Variants in MEGF6 observed in about 807,000 individuals in gnomAD.
MEGF6 encodes multiple epidermal growth factor-like domains protein 6.
In MEGF6, 184 loss-of-function variants were observed where a neutral mutation model predicts 207.1. That is an observed-to-expected ratio of 0.89 (90% confidence interval 0.79 to 1.00). The LOEUF (loss-of-function observed/expected upper bound fraction) is 1.00. Among genes scored for constraint, MEGF6 ranks in the 50% least tolerant of loss-of-function variants. The pLI, the probability that MEGF6 is intolerant of heterozygous loss-of-function variation, is 0.00. For synonymous variants in MEGF6, 1,038 were observed against 910.0 expected (o/e 1.14, Z -2.53); for missense variants, 2,282 against 2,202.9 (o/e 1.04, Z -0.72).
At chr1:3,614,006 C>T (rs1014911829), upstream of MEGF6, among the ~76,000 whole-genome samples, 7 of 152,196 alleles carry the variant, frequency 4.6e-5, no homozygotes, top group Non-Finnish European at 1.0e-4. Context: ...TATGTCCTTC[C>T]TGCTGGAAAT....
the MEGF6 span, among the ~76,000 whole-genome samples, chr1:3,621,589 A>G: frequency 0.045 from 6,803 of 152,308 alleles, 331 homozygotes; most frequent in East Asian, 0.22. Context: ...ATTACACCGG[A>G]ACAGCTCGTG....
intron 5 of MEGF6, among the ~76,000 whole-genome samples, chr1:3,520,783 G>A (rs1004234932): frequency 3.3e-5 from 5 of 152,204 alleles, no homozygotes; most frequent in Non-Finnish European, 7.3e-5. Context: ...TAGAAGGCAG[G>A]GAGGTGTGGA....
chr1:3,536,971 A>G (rs1642351186), intron 4 of MEGF6, among the ~76,000 whole-genome samples: 1 of 152,248 alleles, frequency 6.6e-6, no homozygotes, highest in Non-Finnish European at 1.5e-5. Context: ...CTTGCGGCTC[A>G]GGCGCCTGGA....
intron 1 of MEGF6, 44 bp downstream of exon 1, chr1:3,611,094 G>A (rs749695686): frequency 4.9e-6 from 7 of 1,437,950 alleles, no homozygotes; most frequent in Non-Finnish European, 6.3e-6. Flanking sequence ...AGGCCCCGGG[G>A]TCCCTGGACG....
chr1:3,605,816 G>A (rs931498798), intron 1 of MEGF6, among the ~76,000 whole-genome samples: 2 of 152,234 alleles, frequency 1.3e-5, no homozygotes, highest in African/African-American at 4.8e-5. Context: ...AAGAGATGTG[G>A]AAGAGGCACT....
At position 3,565,142 on chromosome 1, in the gene MEGF6, C is replaced by G. The variant is rs1403794863; in HGVS notation, c.481+14683G>C. Among the ~76,000 whole-genome samples the G allele has an allele frequency of 6.6e-6, 1 of 152,080 alleles. No homozygotes were observed. Among genetic ancestry groups the G allele is most frequent in the Admixed American group, 6.5e-5 (1 of 15,278 alleles). On this transcript the variant is annotated intron_variant, in intron 4 of 36. Transcript: ENST00000356575. The surrounding 1 kb of genome is among the most constrained non-coding windows in gnomAD (Gnocchi z 4.8). ...GGCGATGGACGCATGAATGAAGCCC[C>G]CTAGGTACCCCCTTCTTACCCTGGA...
At chr1:3,595,005 AC>A (rs1469932438) in intron 3 of MEGF6, among the ~76,000 whole-genome samples, 1 of 152,006 alleles carries the variant, frequency 6.6e-6, no homozygotes, top group African/African-American at 2.4e-5. Context: ...TAAACCCCGA[AC>A]TAGGCTCAGG....
chr1:3,576,496 G>A (rs1297881252), intron 4 of MEGF6, among the ~76,000 whole-genome samples: 5 of 152,134 alleles, frequency 3.3e-5, no homozygotes, highest in African/African-American at 9.7e-5. Context: ...ATAATTGGGG[G>A]GTTAGTGAAA....
rs1360655969 is a variant in MEGF6 at position 3,570,111 on chromosome 1, T to C, written c.481+9714A>G. Among the ~76,000 whole-genome samples, 5 of 152,326 alleles carry C rather than the reference T, an allele frequency of 3.3e-5. No homozygotes were observed. In the South Asian group the frequency reaches 1.0e-3, roughly 32 times the overall value. ...GCGGTCTCAGTCTCCCCAGCTGTCCTGTCGAGGAGGTGGCCCAGCCTGAGC... is the reference window on the plus strand; with the variant it reads ...GCGGTCTCAGTCTCCCCAGCTGTCCCGTCGAGGAGGTGGCCCAGCCTGAGC... On this transcript the variant is annotated intron_variant, in intron 4 of 36. Coordinates refer to ENST00000356575, the MANE Select transcript of MEGF6 (RefSeq NM_001409.4).
At chr1:3,514,902 G>A (rs1040771978) in intron 6 of MEGF6, among the ~76,000 whole-genome samples, 5 of 152,110 alleles carry the variant, frequency 3.3e-5, no homozygotes, top group South Asian at 4.1e-4. Context: ...GTCAGGCAGC[G>A]GCCCAGGCCA....
At chr1:3,503,982 G>A (rs1012189663) in intron 17 of MEGF6, among the ~76,000 whole-genome samples, 3 of 152,164 alleles carry the variant, frequency 2.0e-5, no homozygotes, top group Admixed American at 1.3e-4. Flanking sequence ...CCTAAGAGCT[G>A]GCTAGTGGGT....
At chr1:3,534,103 C>T (rs1284884572) in intron 4 of MEGF6, among the ~76,000 whole-genome samples, 2 of 152,152 alleles carry the variant, frequency 1.3e-5, no homozygotes, top group Non-Finnish European at 2.9e-5. Context: ...GTCAGGCACT[C>T]GGAGTCTACG....
chr1:3,622,936 G>C, the MEGF6 span, among the ~76,000 whole-genome samples: 1 of 152,082 alleles, frequency 6.6e-6, no homozygotes, highest in African/African-American at 2.4e-5. Flanking sequence ...GGAATTTATA[G>C]ACATCCAAGT....
At chr1:3,571,733 T>A (rs1557784991) in intron 4 of MEGF6, among the ~76,000 whole-genome samples, 1 of 116,532 alleles carries the variant, frequency 8.6e-6, no homozygotes, top group Non-Finnish European at 1.6e-5. Flanking sequence ...TCCTTGCGGG[T>A]GCACTGGGTC....
intron 1 of MEGF6, among the ~76,000 whole-genome samples, chr1:3,607,808 T>C (rs1644272150): frequency 6.6e-6 from 1 of 152,192 alleles, no homozygotes; most frequent in Non-Finnish European, 1.5e-5. Flanking sequence ...TGCTCCCAGC[T>C]GGTGGGCCAT....
intron 1 of MEGF6, among the ~76,000 whole-genome samples, chr1:3,610,924 G>C (rs1313673618): frequency 3.3e-5 from 5 of 152,342 alleles, no homozygotes; most frequent in East Asian, 1.9e-4. Flanking sequence ...GAGTGGGAGG[G>C]GGGGAGGGGA....
intron 3 of MEGF6, among the ~76,000 whole-genome samples, chr1:3,583,339 C>T (rs1643847184): frequency 3.0e-5 from 4 of 133,936 alleles, no homozygotes; most frequent in Admixed American, 1.5e-4. Context: ...CACCAGACAA[C>T]GCGCAGCCAC....
Position 3,579,853 on chromosome 1 carries a change from G to A in MEGF6, c.453C>T (p.Pro151=), listed in dbSNP as rs115018369. 1.5e-3 allele frequency: 2,246 copies of A among 1,535,202 alleles called. 35 individuals are homozygous for A. The African/African-American group carries it at 0.028, about 19-fold the overall frequency. ...PGSAQPCHCP[P]GFQGPRCQYD... ...ACTGACAGCGGGGTCCCTGGAAGCC[G>A]GGGGGACAGTGACACGGCTGGGCTG... Residue 151 remains proline, a synonymous_variant, in exon 4 of 37, where the codon CCC becomes CCT. Coordinates refer to ENST00000356575, the MANE Select transcript of MEGF6 (RefSeq NM_001409.4).
intron 4 of MEGF6, chr1:3,547,037 G>C (rs944767247): frequency 1.3e-5 from 2 of 159,926 alleles, no homozygotes; most frequent in Admixed American, 6.5e-5. Context: ...TGGTGGCTGG[G>C]GGGGGGCCAG....
Sources: allele counts gnomAD v4.1 joint callset (sites outside exome capture counted in the v4.1 genomes callset), GRCh38; gene constraint gnomAD v4.1.1; non-coding constraint Gnocchi (gnomAD v3.1); transcripts MANE v1.5; gene names NCBI Gene and HGNC (gene_info 2026-07-23, HGNC 2026-07-21).